The following LRRC8C variants were observed in gnomAD, a reference collection of about 807,000 sequenced individuals.
LRRC8C encodes volume-regulated anion channel subunit LRRC8C.
LRRC8C carries 20 observed loss-of-function variants against 55.3 expected under a neutral mutation model. The ratio of observed to expected loss-of-function variants is 0.36; its 90% CI spans 0.25 to 0.53. LRRC8C has a LOEUF of 0.53. LRRC8C is among the 20% of genes least tolerant of loss of function. The probability of loss-of-function intolerance (pLI) is 0.92; values close to 1 mark genes in which losing one functional copy is unlikely to be tolerated. For missense variants in LRRC8C, 659 were observed against 951.4 expected (o/e 0.69, Z 4.04); for synonymous variants, 376 against 360.7 (o/e 1.04, Z -0.48).
intron 1 of LRRC8C, among the ~76,000 whole-genome samples, chr1:89,653,362 T>G (rs568513114): frequency 1.4e-4 from 22 of 152,362 alleles, no homozygotes; most frequent in African/African-American, 5.1e-4. Context: ...GTGTTTAAGT[T>G]TTTGCAAATG....
chr1:89,619,559 TTTA>T, the LRRC8C span, among the ~76,000 whole-genome samples: 11 of 151,014 alleles, frequency 7.3e-5, no homozygotes, highest in African/African-American at 2.4e-4. Flanking sequence ...TTTTAAACAT[TTTA>T]TTATAACTAA....
intron 1 of LRRC8C, among the ~76,000 whole-genome samples, chr1:89,677,137 G>A (rs1032591086): frequency 6.6e-6 from 1 of 152,218 alleles, no homozygotes; most frequent in Non-Finnish European, 1.5e-5. Flanking sequence ...GAATAATATC[G>A]TCATTGTTTG....
chr1:89,662,067 C>A (rs1325061955), intron 1 of LRRC8C, among the ~76,000 whole-genome samples: 3 of 152,216 alleles, frequency 2.0e-5, no homozygotes, highest in Non-Finnish European at 4.4e-5. Context: ...GGCATCCGAT[C>A]TTTTGGCCTC....
intron 1 of LRRC8C, among the ~76,000 whole-genome samples, chr1:89,648,843 G>GT (rs1301059504): frequency 6.6e-6 from 1 of 152,142 alleles, no homozygotes; most frequent in African/African-American, 2.4e-5. Context: ...AAAAATACGT[G>GT]TTTTTTGTGA....
At chr1:89,648,902 A>G (rs763806476) in intron 1 of LRRC8C, among the ~76,000 whole-genome samples, 2 of 152,190 alleles carry the variant, frequency 1.3e-5, no homozygotes, top group Admixed American at 6.5e-5. Flanking sequence ...ATGTTGTGGC[A>G]TATATCAATG....
At chr1:89,616,204 C>T in the LRRC8C span, among the ~76,000 whole-genome samples, 2 of 152,126 alleles carry the variant, frequency 1.3e-5, no homozygotes, top group South Asian at 2.1e-4. Flanking sequence ...TTATTAATGA[C>T]AAACAGACAG....
chr1:89,679,028 G>A (rs537048920), intron 1 of LRRC8C, among the ~76,000 whole-genome samples: 2 of 152,208 alleles, frequency 1.3e-5, no homozygotes, highest in South Asian at 4.2e-4. Context: ...AAGTATAGTT[G>A]GTATTGAAAC....
rs752719047 is a variant in LRRC8C, at chr1:89,686,618, G to A, written c.138+7G>A. 6.2e-7 allele frequency: 1 copy of A among 1,613,718 alleles called. No individual in the cohort carries two copies. Among genetic ancestry groups the A allele is most frequent in the Non-Finnish European group, 8.5e-7 (1 of 1,179,928 alleles). On this transcript the variant is annotated splice_region_variant and intron_variant, in intron 2 of 2. Coordinates refer to ENST00000370454, the MANE Select transcript of LRRC8C (RefSeq NM_032270.5). ...GTTTGGATGTACTTTACAGGTAGGT[G>A]CCTAGATCCCTGGCAAAATGGGGGC...
rs139410920 is a variant in LRRC8C, at chr1:89,714,025, G to A, written c.1455G>A (p.Ala485=). ...HQCSVKIHSA[A]LSFLKENLKV... The stretch of plus-strand genomic sequence containing the variant: ...GTTCTGTCAAAATCCACAGTGCGGC[G>A]CTCTCTTTCCTGAAGGAAAACCTCA... The change falls in exon 3 of 3, where the codon GCG becomes GCA. Residue 485 remains alanine, a synonymous_variant. Transcript: ENST00000370454. This position sits in a 1 kb window ranked among gnomAD's most constrained non-coding sequence, Gnocchi z 4.6. 1.4e-3 allele frequency: 2,223 copies of A among 1,613,292 alleles called. 1 individual carries two copies. The highest frequency in any genetic ancestry group is 1.8e-3 in the Non-Finnish European group (2,072 of 1,179,990).
chr1:89,686,604 C>T lies in LRRC8C; in HGVS notation c.131C>T (p.Thr44Ile). 6.2e-7 allele frequency: 1 copy of T among 1,614,042 alleles called. No individual in the cohort carries two copies. The highest frequency in any genetic ancestry group is 8.5e-7 in the Non-Finnish European group (1 of 1,179,988). ...CTCATGATCGGCGTGTTTGGATGTA[C>T]TTTACAGGTAGGTGCCTAGATCCCT... is the stretch of plus-strand genomic sequence containing the variant. ...AMLMIGVFGC[T>I]LQVMQDKIIC... Residue 44 changes from threonine to isoleucine, a missense_variant, in exon 2 of 3, where the codon ACT (threonine) becomes ATT (isoleucine). Around this residue, in one of 5 missense-constraint regions of LRRC8C, gnomAD observed 82 missense variants for 71.4 expected, o/e 1.15. Transcript: ENST00000370454.
At chr1:89,642,447 G>C (rs1277185926) in intron 1 of LRRC8C, among the ~76,000 whole-genome samples, 1 of 152,210 alleles carries the variant, frequency 6.6e-6, no homozygotes, top group African/African-American at 2.4e-5. Context: ...GGGTGCAGTG[G>C]CTCCTGCCTG....
intron 1 of LRRC8C, among the ~76,000 whole-genome samples, chr1:89,633,597 C>G (rs1282797728): frequency 2.0e-5 from 3 of 152,150 alleles, no homozygotes; most frequent in Admixed American, 6.5e-5. Flanking sequence ...CCCAACGCCG[C>G]GCCGCAGCGG....
At chr1:89,660,574 C>T (rs1309616762) in intron 1 of LRRC8C, among the ~76,000 whole-genome samples, 1 of 152,136 alleles carries the variant, frequency 6.6e-6, no homozygotes, top group Non-Finnish European at 1.5e-5. Context: ...ACTAGCTCAG[C>T]CAAATTCTGT....
intron 1 of LRRC8C, among the ~76,000 whole-genome samples, chr1:89,664,355 C>CTTAATAATGGGG (rs1657199445): frequency 6.6e-6 from 1 of 152,198 alleles, no homozygotes; most frequent in Non-Finnish European, 1.5e-5. Context: ...CAGTTTTCTG[C>CTTAATAATGGGG]ATACGGCTAG....
chr1:89,650,924 G>C (rs1656755011), intron 1 of LRRC8C, among the ~76,000 whole-genome samples: 1 of 152,116 alleles, frequency 6.6e-6, no homozygotes, highest in African/African-American at 2.4e-5. Context: ...AACTTAGATG[G>C]CAAGTCATTT....
At chr1:89,679,514 A>T (rs976357876) in intron 1 of LRRC8C, among the ~76,000 whole-genome samples, 3 of 152,218 alleles carry the variant, frequency 2.0e-5, no homozygotes, top group Admixed American at 6.5e-5. Context: ...AGATCACGCC[A>T]CTGCACTCCA....
chr1:89,681,856 A>G (rs1399590837), intron 1 of LRRC8C, among the ~76,000 whole-genome samples: 4 of 152,334 alleles, frequency 2.6e-5, no homozygotes, highest in Middle Eastern at 3.4e-3. Context: ...ACATATGTAG[A>G]CATGTAGACA....
At chr1:89,694,928 T>C (rs1658130663) in intron 2 of LRRC8C, among the ~76,000 whole-genome samples, 1 of 149,924 alleles carries the variant, frequency 6.7e-6, no homozygotes, top group African/African-American at 2.5e-5. Context: ...TAAAGACTTT[T>C]TTTTTTTTTT....
intron 2 of LRRC8C, among the ~76,000 whole-genome samples, chr1:89,702,130 A>G (rs1658348808): frequency 6.6e-6 from 1 of 152,044 alleles, no homozygotes; most frequent in Non-Finnish European, 1.5e-5. Context: ...TTGCAGACTG[A>G]CTCTGTGAGG....
Sources: allele counts gnomAD v4.1 joint callset (sites outside exome capture counted in the v4.1 genomes callset), GRCh38; gene constraint gnomAD v4.1.1; regional missense constraint gnomAD v4.1.1; non-coding constraint Gnocchi (gnomAD v3.1); transcripts MANE v1.5; gene names NCBI Gene and HGNC (gene_info 2026-07-23, HGNC 2026-07-21).